The following WDFY4 variants were observed in gnomAD, a reference collection of about 807,000 sequenced individuals.
WDFY4 encodes WD repeat- and FYVE domain-containing protein 4.
A neutral mutation model predicts 351.9 loss-of-function variants in WDFY4; 169 were observed. The ratio of observed to expected loss-of-function variants is 0.48; its 90% CI spans 0.42 to 0.55. The LOEUF is 0.55. WDFY4 is among the 20% of genes least tolerant of loss of function. The probability of loss-of-function intolerance (pLI) is 0.00; values close to 1 mark genes in which losing one functional copy is unlikely to be tolerated. For synonymous variants in WDFY4, 1,622 were observed against 1,574.6 expected, an observed-to-expected ratio of 1.03 and a Z score of -0.71; for missense variants, 3,803 against 3,935.6, an observed-to-expected ratio of 0.97 and a Z score of 0.90.
At chr10:48,910,408 G>A in intron 47 of WDFY4, 7 of 719,266 alleles carry the variant, frequency 9.7e-6, no homozygotes, top group Admixed American at 8.1e-5. Flanking sequence ...TGTATTTGAG[G>A]AAAGAGAACA....
chr10:48,832,355 G>T (rs1367101752), intron 38 of WDFY4, among the ~76,000 whole-genome samples: 1 of 152,260 alleles, frequency 6.6e-6, no homozygotes, highest in Non-Finnish European at 1.5e-5. Flanking sequence ...GGAGCTAGGA[G>T]TTTAGGCTAA....
rs988151486 is a variant in WDFY4, at chr10:48,734,016, A to G, written c.1668A>G (p.Lys556=). 1.3e-5 allele frequency: 20 copies of G among 1,551,956 alleles called. No homozygotes were observed. In the Admixed American group the frequency reaches 2.2e-4, roughly 17 times the overall value. Residue 556 remains lysine, a synonymous_variant, in exon 10 of 62, where the codon AAA becomes AAG. Coordinates refer to ENST00000325239, the MANE Select transcript of WDFY4 (RefSeq NM_001394531.1). ...TGAGGATTGTAGTCACACTTCTGAA[A>G]GGCTCGGTGAGGAATGCAGGTAAGG... is the stretch of plus-strand genomic sequence containing the variant. The part of the protein sequence containing the change: ...VMLRIVVTLL[K]GSVRNAVVLK...
chr10:48,743,247 T>G lies in WDFY4; in HGVS notation c.2158T>G (p.Cys720Gly). Residue 720 changes from cysteine to glycine, a missense_variant, in exon 12 of 62, where the codon TGT becomes GGT. Coordinates refer to ENST00000325239, the MANE Select transcript of WDFY4 (RefSeq NM_001394531.1). ...KLAEDLCLLG[C>G]FGALEEEGNL... ...GGCCGAGGACCTCTGCCTGCTGGGCTGTTTTGGAGCCCTGGAGGAAGAGGG... is the reference window on the plus strand; with the variant it reads ...GGCCGAGGACCTCTGCCTGCTGGGCGGTTTTGGAGCCCTGGAGGAAGAGGG... The G allele has an allele frequency of 1.3e-6, 2 of 1,551,690 alleles. No individual in the cohort carries two copies. Among genetic ancestry groups the G allele is most frequent in the Non-Finnish European group, 1.7e-6 (2 of 1,146,994 alleles).
intron 1 of WDFY4, among the ~76,000 whole-genome samples, chr10:48,693,358 C>T (rs1365252400): frequency 1.3e-5 from 2 of 152,220 alleles, no homozygotes; most frequent in Non-Finnish European, 2.9e-5. Flanking sequence ...GCCGGGCCCA[C>T]TCTGGCCTAC....
chr10:48,789,085 C>A (rs1415589767), intron 21 of WDFY4, among the ~76,000 whole-genome samples: 2 of 152,082 alleles, frequency 1.3e-5, no homozygotes, highest in Admixed American at 6.5e-5. Context: ...GTTGCCCAGG[C>A]TGGTCTTGAA....
intron 39 of WDFY4, among the ~76,000 whole-genome samples, chr10:48,853,120 C>A (rs1368002977): frequency 6.6e-6 from 1 of 151,428 alleles, no homozygotes; most frequent in East Asian, 1.9e-4. Flanking sequence ...CTGCTCTAAC[C>A]CTTCTCCTCC....
intron 12 of WDFY4, among the ~76,000 whole-genome samples, chr10:48,754,292 T>C (rs2065268261): frequency 6.6e-6 from 1 of 151,386 alleles, no homozygotes; most frequent in Non-Finnish European, 1.5e-5. Context: ...AAATACAGGC[T>C]TCCTTGCTGT....
At chr10:48,898,687 C>T (rs760490290) in intron 45 of WDFY4, among the ~76,000 whole-genome samples, 4 of 152,184 alleles carry the variant, frequency 2.6e-5, no homozygotes, top group Non-Finnish European at 4.4e-5. Flanking sequence ...TCCACTCTAG[C>T]CCTCTAATGA....
intron 10 of WDFY4, among the ~76,000 whole-genome samples, chr10:48,735,328 A>G (rs905215601): frequency 1.3e-5 from 2 of 152,260 alleles, no homozygotes; most frequent in African/African-American, 2.4e-5. Context: ...TCCCCAAGGA[A>G]CTATCTAGAA....
At chr10:48,795,243 T>C (rs1199704825) in intron 23 of WDFY4, among the ~76,000 whole-genome samples, 4 of 151,640 alleles carry the variant, frequency 2.6e-5, no homozygotes, top group African/African-American at 9.7e-5. Flanking sequence ...CAGCAAAATA[T>C]GAGGTCAGGT....
chr10:48,812,879 C>T (rs2067505033), intron 30 of WDFY4, among the ~76,000 whole-genome samples: 1 of 152,160 alleles, frequency 6.6e-6, no homozygotes, highest in African/African-American at 2.4e-5. Context: ...TGTGCTCACC[C>T]ACCCTGCTGC....
At chr10:48,749,629 G>T (rs2065119913) in intron 12 of WDFY4, among the ~76,000 whole-genome samples, 1 of 152,190 alleles carries the variant, frequency 6.6e-6, no homozygotes, top group African/African-American at 2.4e-5. Flanking sequence ...GGTGAAAGTG[G>T]AGCAGAAGCA....
At chr10:48,778,978 C>T in intron 18 of WDFY4, 146 bp downstream of exon 18, 1 of 850,890 alleles carries the variant, frequency 1.2e-6, no homozygotes, top group Non-Finnish European at 1.8e-6. Flanking sequence ...GGTTCCATAC[C>T]TGGTGAAAGG....
At chr10:48,771,146 C>T (rs2132590220) in intron 13 of WDFY4, among the ~76,000 whole-genome samples, 1 of 152,256 alleles carries the variant, frequency 6.6e-6, no homozygotes, top group South Asian at 2.1e-4. Flanking sequence ...GGTGAGCCAT[C>T]CAATTTTTAA....
At chr10:48,937,131 T>G (rs894391183) in intron 47 of WDFY4, among the ~76,000 whole-genome samples, 39 of 152,060 alleles carry the variant, frequency 2.6e-4, no homozygotes, top group African/African-American at 9.2e-4. Context: ...TGACCTCAGG[T>G]GATCCGCCCA....
rs146979773 is a variant in WDFY4, at chr10:48,976,022, G to C, written c.9109-775G>C. On this transcript the variant is annotated intron_variant, in intron 58 of 61. Transcript: ENST00000325239. The stretch of plus-strand genomic sequence containing the variant: ...GAGAAGCCTGGCACCAGGACAAGTT[G>C]TCCTGCAGCCAACTGATTTCAGTCT... 7.2e-5 allele frequency among the ~76,000 whole-genome samples: 11 copies of C among 152,296 alleles called. No individual in the cohort carries two copies. In the East Asian group the frequency reaches 2.1e-3, roughly 29 times the overall value.
chr10:48,864,843 T>C (rs1383104878), intron 39 of WDFY4, among the ~76,000 whole-genome samples: 1 of 152,212 alleles, frequency 6.6e-6, no homozygotes, highest in Non-Finnish European at 1.5e-5. Context: ...AGGAATCGCT[T>C]TCTTAATTTA....
intron 14 of WDFY4, among the ~76,000 whole-genome samples, chr10:48,775,315 T>C (rs964500929): frequency 6.6e-6 from 1 of 152,112 alleles, no homozygotes; most frequent in African/African-American, 2.4e-5. Context: ...CTGCTGCTTA[T>C]ACACAGGAGC....
chr10:48,942,396 G>GTA (rs1840824364), intron 48 of WDFY4, among the ~76,000 whole-genome samples: 1 of 150,870 alleles, frequency 6.6e-6, no homozygotes, highest in Non-Finnish European at 1.5e-5. Context: ...GTGTGTGTGC[G>GTA]CGCACGCGCA....
Sources: gnomAD v4.1 joint callset for allele counts (sites outside exome capture counted in the v4.1 genomes callset) on GRCh38, gnomAD v4.1.1 for gene constraint, MANE v1.5 for transcripts, NCBI Gene and HGNC (gene_info 2026-07-23, HGNC 2026-07-21) for gene names.